PLEKHG1: variants seen among roughly 807,000 people sequenced by gnomAD.
The protein encoded by PLEKHG1 is pleckstrin homology and RhoGEF domain containing G1, also known as pleckstrin homology domain-containing family G member 1.
Under a neutral mutation model 100.8 loss-of-function variants are expected in PLEKHG1, and 44 were observed. The observed-to-expected ratio is 0.44, with a 90% CI of 0.34 to 0.56. The LOEUF is 0.56. Ranked by LOEUF, PLEKHG1 falls within the 20% of genes least tolerant of loss-of-function variation. The pLI is 0.01. For missense variants in PLEKHG1, 1,545 were observed against 1,720.9 expected (o/e 0.90, Z 1.81); for synonymous variants, 640 against 662.5 (o/e 0.97, Z 0.52).
At chr6:150,645,053 A>G (rs1490062294) in intron 2 of PLEKHG1, among the ~76,000 whole-genome samples, 1 of 152,202 alleles carries the variant, frequency 6.6e-6, no homozygotes, top group Non-Finnish European at 1.5e-5. Flanking sequence ...AGAAACACAT[A>G]GAAGGATTTA....
Position 150,831,730 on chromosome 6 carries a change from C to G in PLEKHG1, c.2619C>G (p.His873Gln). ...AGGATGATGTGCCAGACAGGCTGCA[C>G]GCAGAGAGCACCCCTGAGCTGAGCC... The change falls in exon 15 of 16, where the codon CAC becomes CAG. Residue 873 changes from histidine (H) to glutamine (Q), a missense_variant. Coordinates refer to ENST00000358517, the Ensembl canonical transcript of PLEKHG1. The surrounding 1 kb of genome is among the most constrained non-coding windows in gnomAD (Gnocchi z 4.1). 1 of 1,613,434 alleles carries G rather than the reference C, an allele frequency of 6.2e-7. No individual in the cohort carries two copies. The highest frequency in any genetic ancestry group is 8.5e-7 in the Non-Finnish European group (1 of 1,180,028).
chr6:150,736,625 C>G (rs188467623), intron 2 of PLEKHG1, among the ~76,000 whole-genome samples: 1 of 152,004 alleles, frequency 6.6e-6, no homozygotes, highest in Non-Finnish European at 1.5e-5. Context: ...AAAAATTAGC[C>G]GGGCATGGTG....
intron 3 of PLEKHG1, among the ~76,000 whole-genome samples, chr6:150,784,747 G>T (rs1785511100): frequency 6.6e-6 from 1 of 151,922 alleles, no homozygotes; most frequent in Non-Finnish European, 1.5e-5. Context: ...TAAATTAATG[G>T]TCTTTATCTT....
chr6:150,681,546 T>A (rs185112206), intron 3 of PLEKHG1, among the ~76,000 whole-genome samples: 5 of 152,218 alleles, frequency 3.3e-5, no homozygotes, highest in East Asian at 1.9e-4. Context: ...TCTTTTTTTT[T>A]ATTTCCCTTC....
chr6:150,824,337 A>T (rs1315137208), intron 14 of PLEKHG1, among the ~76,000 whole-genome samples: 1 of 152,174 alleles, frequency 6.6e-6, no homozygotes, highest in Non-Finnish European at 1.5e-5. Flanking sequence ...TGGCTTAATT[A>T]ACAATTCTTA....
At chr6:150,775,593 A>G (rs571180017) in intron 3 of PLEKHG1, among the ~76,000 whole-genome samples, 1 of 152,346 alleles carries the variant, frequency 6.6e-6, no homozygotes, top group South Asian at 2.1e-4. Flanking sequence ...GAAGGAACAG[A>G]ATGCTTTGTG....
At chr6:150,654,798 G>C (rs79100774) in intron 3 of PLEKHG1, among the ~76,000 whole-genome samples, 426 of 152,330 alleles carry the variant, frequency 2.8e-3, no homozygotes, top group African/African-American at 9.7e-3. Context: ...TAGCATAAAG[G>C]ATTCACATTA....
chr6:150,616,681 C>T (rs995695463), intron 1 of PLEKHG1, among the ~76,000 whole-genome samples: 9 of 152,204 alleles, frequency 5.9e-5, no homozygotes, highest in African/African-American at 2.2e-4. Flanking sequence ...CAGAAGCATT[C>T]TCTTCTGGAG....
intron 1 of PLEKHG1, among the ~76,000 whole-genome samples, chr6:150,612,049 C>G (rs1450906033): frequency 9.0e-5 from 8 of 89,034 alleles, no homozygotes; most frequent in South Asian, 5.8e-4. Flanking sequence ...TGTTGTTCCC[C>G]CCCCCCCCCC....
chr6:150,831,708 A>T lies in PLEKHG1; in HGVS notation c.2597A>T (p.Asp866Val). 1 of 1,613,262 alleles carries T rather than the reference A, an allele frequency of 6.2e-7. No homozygotes were observed. The highest frequency in any genetic ancestry group is 1.1e-5 in the South Asian group (1 of 91,086). Reference sequence around the variant, plus strand: ...CTGGCAGCGTTTCCTGTGAGCAAGGATGATGTGCCAGACAGGCTGCACGCA... The same window carrying T: ...CTGGCAGCGTTTCCTGTGAGCAAGGTTGATGTGCCAGACAGGCTGCACGCA... Residue 866 changes from aspartate to valine, a missense_variant, in exon 15 of 16, where the codon GAT becomes GTT. Coordinates refer to ENST00000358517, the Ensembl canonical transcript of PLEKHG1. The surrounding 1 kb of genome is among the most constrained non-coding windows in gnomAD (Gnocchi z 4.1).
chr6:150,724,475 A>T (rs960680905), intron 1 of PLEKHG1, among the ~76,000 whole-genome samples: 1 of 152,228 alleles, frequency 6.6e-6, no homozygotes, highest in Non-Finnish European at 1.5e-5. Context: ...ACCACACACA[A>T]AAAAAGCATA....
intron 13 of PLEKHG1, among the ~76,000 whole-genome samples, chr6:150,823,161 T>A (rs1237905403): frequency 6.6e-6 from 1 of 152,140 alleles, no homozygotes; most frequent in Non-Finnish European, 1.5e-5. Flanking sequence ...ATAATTAGGC[T>A]AGCTCTAAGG....
intron 3 of PLEKHG1, among the ~76,000 whole-genome samples, chr6:150,668,591 G>A (rs1336505985): frequency 3.3e-5 from 5 of 152,120 alleles, no homozygotes; most frequent in Admixed American, 6.6e-5. Flanking sequence ...CTTGCTGGCC[G>A]ATGACCAAGT....
intron 6 of PLEKHG1, 124 bp downstream of exon 7, chr6:150,800,993 C>A: frequency 1.3e-6 from 1 of 744,576 alleles, no homozygotes. Flanking sequence ...ACTCATATTT[C>A]ACAACTGACT....
At chr6:150,812,654 G>T (rs1787599315) in intron 10 of PLEKHG1, among the ~76,000 whole-genome samples, 1 of 152,142 alleles carries the variant, frequency 6.6e-6, no homozygotes, top group Admixed American at 6.5e-5. Flanking sequence ...TGATAGTTTG[G>T]AGAGAAAGGC....
intron 2 of PLEKHG1, among the ~76,000 whole-genome samples, chr6:150,761,778 G>A (rs1784174094): frequency 6.6e-6 from 1 of 152,208 alleles, no homozygotes; most frequent in Admixed American, 6.5e-5. Flanking sequence ...AAGCAAAGAT[G>A]TATTTCTCTT....
At chr6:150,836,193 A>G (rs1459415815) in intron 15 of PLEKHG1, among the ~76,000 whole-genome samples, 1 of 152,092 alleles carries the variant, frequency 6.6e-6, no homozygotes, top group African/African-American at 2.4e-5. Context: ...CCTGGTCAAC[A>G]TGGTGAAATC....
At chr6:150,788,162 T>C (rs1330133968) in intron 4 of PLEKHG1, among the ~76,000 whole-genome samples, 1 of 152,228 alleles carries the variant, frequency 6.6e-6, no homozygotes, top group Non-Finnish European at 1.5e-5. Context: ...CAAATCTTCC[T>C]TTTCATTGTA....
chr6:150,671,605 C>T (rs9480517), intron 3 of PLEKHG1, among the ~76,000 whole-genome samples: 11,915 of 152,236 alleles, frequency 0.078, 549 homozygotes, highest in Non-Finnish European at 0.1. Flanking sequence ...TTGGTAGTGA[C>T]ACCTGCAAGA....
Sources: allele counts gnomAD v4.1 joint callset (sites outside exome capture counted in the v4.1 genomes callset), GRCh38; gene constraint gnomAD v4.1.1; non-coding constraint Gnocchi (gnomAD v3.1); transcripts MANE v1.5; gene names NCBI Gene and HGNC (gene_info 2026-07-23, HGNC 2026-07-21).